The following CASP10 variants were observed in gnomAD, a reference collection of about 807,000 sequenced individuals.
CASP10 encodes caspase 10, also known as caspase-10.
CASP10 carries 41 observed loss-of-function variants against 48.5 expected under a neutral mutation model. The ratio of observed to expected loss-of-function variants is 0.85; its 90% CI spans 0.66 to 1.10. The LOEUF is 1.10. Ranked by LOEUF, CASP10 falls within the 50% of genes least tolerant of loss-of-function variation. The probability of loss-of-function intolerance (pLI) is 0.00; values close to 1 mark genes in which losing one functional copy is unlikely to be tolerated. For synonymous variants in CASP10, 232 were observed against 238.4 expected, an observed-to-expected ratio of 0.97 and a Z score of 0.25; for missense variants, 614 against 614.5, an observed-to-expected ratio of 1.00 and a Z score of 0.01.
At chr2:201,196,902 C>T (rs982108218) in intron 5 of CASP10, among the ~76,000 whole-genome samples, 2 of 152,132 alleles carry the variant, frequency 1.3e-5, no homozygotes, top group African/African-American at 4.8e-5. Flanking sequence ...TTTGACTTTT[C>T]AGGGTACCTC....
intron 6 of CASP10, 45 bp from the exon 7 acceptor site, chr2:201,205,837 A>C: frequency 2.6e-6 from 3 of 1,134,856 alleles, no homozygotes; most frequent in Admixed American, 1.7e-5. Flanking sequence ...AAGAAATCTA[A>C]GTGCTTGGGG....
chr2:201,199,827 G>C (rs1559302173), intron 5 of CASP10, among the ~76,000 whole-genome samples: 1 of 152,068 alleles, frequency 6.6e-6, no homozygotes, highest in Non-Finnish European at 1.5e-5. Flanking sequence ...GCCTGCCCCA[G>C]CCTCCCAAAG....
chr2:201,217,600 C>G lies in CASP10; in HGVS notation c.1428C>G (p.Ile476Met), dbSNP rs1264821541. ...TTCTTTGTTGCAGACATGAAGACAT[C>G]TTATCCATCCTCACTGCTGTCAACG... ...LKKLVPRHED[I>M]LSILTAVNDD... is the part of the protein sequence containing the mutation. Residue 476 changes from isoleucine (I) to methionine (M), a missense_variant, in exon 10 of 10, where the codon ATC becomes ATG. Coordinates refer to ENST00000286186, the MANE Select transcript of CASP10 (RefSeq NM_032977.4). 6.2e-7 allele frequency: 1 copy of G among 1,613,624 alleles called. No individual in the cohort carries two copies. Among genetic ancestry groups the G allele is most frequent in the African/African-American group, 1.3e-5 (1 of 74,904 alleles).
chr2:201,200,695 G>A, intron 5 of CASP10: 1 of 1,315,408 alleles, frequency 7.6e-7, no homozygotes, highest in Non-Finnish European at 9.7e-7. Context: ...AAGAGATTAA[G>A]TACATCCTTA....
In CASP10 at chr2:201,229,303, A is replaced by T. The variant is rs140802408; in HGVS notation, c.*220A>T. ...TCGTAAACATACTTCTAAAATTCCC[A>T]TTTTCTTTATTTAGAAATAGAACTA... On this transcript the variant is annotated 3_prime_UTR_variant, in exon 10 of 10. Transcript: ENST00000272879. 1.1e-3 allele frequency: 637 copies of T among 582,322 alleles called. 7 individuals carry two copies. The East Asian group carries it at 0.016, about 15-fold the overall frequency. 36.1% of individuals were successfully genotyped at this position (582,322 alleles called of 1,614,324 possible).
intron 9 of CASP10, 44 bp downstream of exon 9, chr2:201,209,606 A>C: frequency 6.4e-7 from 1 of 1,561,522 alleles, no homozygotes; most frequent in Non-Finnish European, 8.7e-7. Flanking sequence ...AATTAGTTTT[A>C]TTTATTTTTT....
chr2:201,197,223 C>T (rs906378927), intron 5 of CASP10, among the ~76,000 whole-genome samples: 4 of 152,010 alleles, frequency 2.6e-5, no homozygotes, highest in Non-Finnish European at 4.4e-5. Flanking sequence ...GCAATCCTCC[C>T]GCCTTATCCT....
intron 4 of CASP10, among the ~76,000 whole-genome samples, chr2:201,193,799 G>T (rs1361126080): frequency 6.6e-6 from 1 of 152,150 alleles, no homozygotes; most frequent in Non-Finnish European, 1.5e-5. Context: ...GATAGCATGG[G>T]GTAAGAGTGG....
intron 9 of CASP10, among the ~76,000 whole-genome samples, chr2:201,215,202 C>T (rs1205078191): frequency 3.1e-5 from 3 of 96,448 alleles, no homozygotes; most frequent in Non-Finnish European, 4.3e-5. Context: ...TAGGTTGTCT[C>T]TTCCCTCGGT....
chr2:201,205,994 T>C (rs775425201), intron 7 of CASP10, 21 bp downstream of exon 7: 1 of 1,546,122 alleles, frequency 6.5e-7, no homozygotes, highest in South Asian at 1.1e-5. Flanking sequence ...TTTCTTTTAT[T>C]CCTTTTTTAA....
intron 9 of CASP10, among the ~76,000 whole-genome samples, chr2:201,216,025 C>T (rs1012969557): frequency 7.9e-5 from 12 of 151,990 alleles, no homozygotes; most frequent in African/African-American, 2.9e-4. Flanking sequence ...CAAGATTATT[C>T]TTCTAACCCA....
rs879512859 is a variant in CASP10, at chr2:201,221,085, G to A, written c.*3344G>A. On this transcript the variant is annotated 3_prime_UTR_variant, in exon 10 of 10. Coordinates refer to ENST00000286186, the MANE Select transcript of CASP10 (RefSeq NM_032977.4). ...GCATATAAATGCCTTTAGGTGGTAGGGTCTTCCGGTTGTAACTGCAACAGA... is the reference window on the plus strand; with the variant it reads ...GCATATAAATGCCTTTAGGTGGTAGAGTCTTCCGGTTGTAACTGCAACAGA... The A allele has an allele frequency of 4.1e-6, 4 of 985,338 alleles. No homozygotes were observed. The highest frequency in any genetic ancestry group is 4.8e-6 in the Non-Finnish European group (4 of 829,924). 61.0% of individuals were successfully genotyped at this position (985,338 alleles called of 1,614,324 possible).
At position 201,189,596 on chromosome 2, in the gene CASP10, C is replaced by G. The variant is rs41526645; in HGVS notation, c.441+1797C>G. 5.0e-3 allele frequency among the ~76,000 whole-genome samples: 763 copies of G among 152,210 alleles called. 8 individuals carry two copies. The highest frequency in any genetic ancestry group is 0.017 in the African/African-American group (717 of 41,556). ...ATCCAGTTTTTAAGTTAATTGGTAT[C>G]TTATCATTCTCTGAAGGTGACCCAT... On this transcript the variant is annotated intron_variant, in intron 3 of 9. Transcript: ENST00000286186.
At chr2:201,199,334 A>T (rs950355981) in intron 5 of CASP10, among the ~76,000 whole-genome samples, 2 of 152,080 alleles carry the variant, frequency 1.3e-5, no homozygotes, top group Non-Finnish European at 2.9e-5. Flanking sequence ...TCTAGTACAA[A>T]ATTCCACATA....
intron 9 of CASP10, chr2:201,212,400 G>A (rs954353448): frequency 2.0e-5 from 3 of 152,256 alleles, no homozygotes; most frequent in African/African-American, 7.2e-5. Flanking sequence ...GGAAGTCAGG[G>A]GTGGAGGCCA....
At position 201,185,756 on chromosome 2, in the gene CASP10, C is replaced by T. The variant is rs1381755898; in HGVS notation, c.-7-15C>T. 1.3e-6 allele frequency: 2 copies of T among 1,567,852 alleles called. No homozygotes were observed. Among genetic ancestry groups the T allele is most frequent in the East Asian group, 4.5e-5 (2 of 44,660 alleles). ...CACTCTCTAACTCCCTGCCCCACCT[C>T]TCTGTCCCTTTCAGGCTGGCCATGA... On this transcript the variant is annotated splice_polypyrimidine_tract_variant and intron_variant, in intron 1 of 9. Transcript: ENST00000286186.
chr2:201,223,148 T>C (rs1329739301), downstream of CASP10, among the ~76,000 whole-genome samples: 1 of 152,230 alleles, frequency 6.6e-6, no homozygotes, highest in African/African-American at 2.4e-5. Flanking sequence ...ACAGCTCATG[T>C]TCTGGGGCCT....
At chr2:201,227,929 G>T (rs1945809952) in intron 9 of CASP10, among the ~76,000 whole-genome samples, 1 of 152,064 alleles carries the variant, frequency 6.6e-6, no homozygotes, top group South Asian at 2.1e-4. Context: ...TCTTCACCAT[G>T]ACACCCACAA....
rs779770348 is a variant in CASP10, at chr2:201,195,867, A to G, written c.603A>G (p.Val201=). ...EKAIQIVTPP[V]DKEAESYQGE... ...CTATCCAGATAGTGACACCTCCTGT[A>G]GACAAGGAAGCCGAGTCGTATCAAG... The change falls in exon 5 of 10, where the codon GTA becomes GTG. Residue 201 remains valine, a synonymous_variant. Transcript: ENST00000286186. 2 of 1,613,600 alleles carry G rather than the reference A, an allele frequency of 1.2e-6. No homozygotes were observed. The highest frequency in any genetic ancestry group is 1.7e-6 in the Non-Finnish European group (2 of 1,179,560).
Sources: allele counts gnomAD v4.1 joint callset (sites outside exome capture counted in the v4.1 genomes callset), GRCh38; gene constraint gnomAD v4.1.1; transcripts MANE v1.5; gene names NCBI Gene and HGNC (gene_info 2026-07-23, HGNC 2026-07-21).